Variants in SPOPL observed in about 807,000 individuals in gnomAD.
The protein encoded by SPOPL is speckle type BTB/POZ protein like.
A neutral mutation model predicts 53.8 loss-of-function variants in SPOPL; 23 were observed. The observed-to-expected ratio is 0.43, with a 90% CI of 0.31 to 0.61. The LOEUF (loss-of-function observed/expected upper bound fraction) is 0.61, where lower values mean the gene tolerates loss of function less well. SPOPL is among the 20% of genes least tolerant of loss of function. SPOPL has a pLI of 0.12. For missense variants in SPOPL, 442 were observed against 466.9 expected, an observed-to-expected ratio of 0.95 and a Z score of 0.49; for synonymous variants, 164 against 149.7, an observed-to-expected ratio of 1.10 and a Z score of -0.70.
At chr2:138,525,663 A>AAAAAAAAAC (rs1553468801) in intron 1 of SPOPL, among the ~76,000 whole-genome samples, 17 of 130,488 alleles carry the variant, frequency 1.3e-4, no homozygotes, top group Non-Finnish European at 1.9e-4. Context: ...GTAGAAAAAA[A>AAAAAAAAAC]AAAAAAAAAA....
At position 138,569,380 on chromosome 2, in the gene SPOPL, C is replaced by T; in HGVS notation, c.*300C>T. 3 of 253,322 alleles carry T rather than the reference C, an allele frequency of 1.2e-5. No homozygotes were observed. The highest frequency in any genetic ancestry group is 2.3e-5 in the Non-Finnish European group (3 of 133,096). The allele number at this position is 253,322 out of a possible 1,614,324, so 15.7% of individuals were successfully genotyped here. ...TTTTGACCAAGGCTATGCAGGATTGCACTAGCTCCATAATGCAGTAATATT... is the reference window on the plus strand; with the variant it reads ...TTTTGACCAAGGCTATGCAGGATTGTACTAGCTCCATAATGCAGTAATATT... On this transcript the variant is annotated 3_prime_UTR_variant, in exon 11 of 11. Transcript: ENST00000280098.
In SPOPL at chr2:138,569,358, T is replaced by C. The variant is rs1685731840; in HGVS notation, c.*278T>C. ...TTTTTTTTATTGTGCCTTGTCATTTTGACCAAGGCTATGCAGGATTGCACT... is the reference window on the plus strand; with the variant it reads ...TTTTTTTTATTGTGCCTTGTCATTTCGACCAAGGCTATGCAGGATTGCACT... On this transcript the variant is annotated 3_prime_UTR_variant, in exon 11 of 11. Transcript: ENST00000280098. The C allele has an allele frequency of 3.3e-6, 1 of 305,976 alleles. No homozygotes were observed. The highest frequency in any genetic ancestry group is 2.2e-5 in the African/African-American group (1 of 46,038). The allele number at this position is 305,976 out of a possible 1,614,324, so 19.0% of individuals were successfully genotyped here. A position where few individuals can be genotyped will look rare whatever the true frequency, so the allele number is the denominator to read the frequency against.
At chr2:138,534,283 A>G (rs1322924029) in intron 1 of SPOPL, among the ~76,000 whole-genome samples, 1 of 152,214 alleles carries the variant, frequency 6.6e-6, no homozygotes, top group Non-Finnish European at 1.5e-5. Flanking sequence ...TATGGGAAAA[A>G]AAATTAACAA....
At chr2:138,540,574 A>G (rs1274217807) in intron 1 of SPOPL, among the ~76,000 whole-genome samples, 2 of 152,132 alleles carry the variant, frequency 1.3e-5, no homozygotes, top group African/African-American at 4.8e-5. Flanking sequence ...AATGCTTGTG[A>G]TTTTTGCACA....
At chr2:138,566,234 T>C (rs973681631) in intron 10 of SPOPL, among the ~76,000 whole-genome samples, 4 of 152,086 alleles carry the variant, frequency 2.6e-5, no homozygotes, top group African/African-American at 9.7e-5. Flanking sequence ...TATGCTAATA[T>C]GATATCATTA....
At chr2:138,517,667 G>C (rs1447190587) in intron 1 of SPOPL, among the ~76,000 whole-genome samples, 1 of 151,694 alleles carries the variant, frequency 6.6e-6, no homozygotes, top group African/African-American at 2.4e-5. Context: ...GTGAACCCAG[G>C]AGGTGAGCTT....
At chr2:138,504,755 T>G (rs575286187) in intron 1 of SPOPL, among the ~76,000 whole-genome samples, 3 of 152,312 alleles carry the variant, frequency 2.0e-5, no homozygotes, top group Admixed American at 1.3e-4. Context: ...ACTAAAGCAG[T>G]AGTTACTCCA....
intron 1 of SPOPL, among the ~76,000 whole-genome samples, chr2:138,502,460 A>G (rs6705714): frequency 0.061 from 9,279 of 152,140 alleles, 756 homozygotes; most frequent in East Asian, 0.33. Flanking sequence ...CTATACCTGT[A>G]TACCTCCACA....
chr2:138,550,957 C>G lies in SPOPL; in HGVS notation c.255C>G (p.Ser85=), dbSNP rs532335965. Residue 85 remains serine (S), a synonymous_variant, in exon 4 of 11, where the codon TCC becomes TCG. Transcript: ENST00000280098. The stretch of plus-strand genomic sequence containing the variant: ...ATGATGAAAGTAAAGACTACTTGTC[C>G]TTATATTTGCTTTTAGTCAGCTGCC... ...GLDDESKDYL[S]LYLLLVSCPK... The G allele has an allele frequency of 6.2e-7, 1 of 1,613,236 alleles. No homozygotes were observed. Among genetic ancestry groups the G allele is most frequent in the South Asian group, 1.1e-5 (1 of 91,026 alleles).
rs58483992 is a variant in SPOPL at position 138,529,498 on chromosome 2, C to CTGTGTGTG, written c.-60-20629_-60-20622dup. Among the ~76,000 whole-genome samples the CTGTGTGTG allele has an allele frequency of 4.2e-3, 621 of 147,678 alleles. 5 individuals are homozygous for CTGTGTGTG. The highest frequency in any genetic ancestry group is 0.011 in the East Asian group (57 of 4,972). ...TATGTGTGTGTGTGTATGCATGTGC[C>CTGTGTGTG]TGTGTGTGTGTGTGTGTGTGTGTGT... On this transcript the variant is annotated intron_variant, in intron 1 of 10. Transcript: ENST00000280098.
intron 1 of SPOPL, among the ~76,000 whole-genome samples, chr2:138,530,236 T>C (rs1305867716): frequency 6.6e-6 from 1 of 152,206 alleles, no homozygotes; most frequent in Non-Finnish European, 1.5e-5. Context: ...TTAGGTTGAT[T>C]CTATGTCTTT....
intron 1 of SPOPL, among the ~76,000 whole-genome samples, chr2:138,519,407 T>C (rs1371593583): frequency 2.0e-5 from 3 of 151,266 alleles, no homozygotes; most frequent in Non-Finnish European, 4.4e-5. Context: ...TGGATTCAAT[T>C]TCTGATTTGT....
chr2:138,556,500 A>C (rs559652714), intron 5 of SPOPL, among the ~76,000 whole-genome samples: 1 of 152,316 alleles, frequency 6.6e-6, no homozygotes, highest in East Asian at 1.9e-4. Flanking sequence ...GCAGTGCTTG[A>C]TATGAACAAA....
chr2:138,542,308 T>G (rs974905407), intron 1 of SPOPL, among the ~76,000 whole-genome samples: 10 of 152,174 alleles, frequency 6.6e-5, no homozygotes, highest in African/African-American at 2.4e-4. Flanking sequence ...TTGTGTCTCG[T>G]TGATCTGTCT....
rs577452151 is a variant in SPOPL at position 138,571,811 on chromosome 2, T to G, written c.*2731T>G. Reference sequence around the variant, plus strand: ...ACTATAAGAATAATCATTGGGTAACTGTTGTTTAGACCAACACTTAGAAAT... The same window carrying G: ...ACTATAAGAATAATCATTGGGTAACGGTTGTTTAGACCAACACTTAGAAAT... On this transcript the variant is annotated 3_prime_UTR_variant, in exon 11 of 11. Coordinates refer to ENST00000280098, the MANE Select transcript of SPOPL (RefSeq NM_001001664.3). 1.3e-5 allele frequency: 2 copies of G among 152,768 alleles called. No individual in the cohort carries two copies. Among genetic ancestry groups the G allele is most frequent in the African/African-American group, 4.8e-5 (2 of 41,582 alleles). The allele number at this position is 152,768 out of a possible 1,614,324, so 9.5% of individuals were successfully genotyped here.
intron 1 of SPOPL, among the ~76,000 whole-genome samples, chr2:138,507,845 G>A (rs1225338795): frequency 6.6e-6 from 1 of 152,198 alleles, no homozygotes; most frequent in South Asian, 2.1e-4. Flanking sequence ...GCCCAAGGTA[G>A]TGTTTTATTT....
In SPOPL at chr2:138,569,072, C is replaced by T. The variant is rs779650583; in HGVS notation, c.1171C>T (p.Gln391Ter). The T allele has an allele frequency of 5.3e-5, 86 of 1,612,938 alleles. No homozygotes were observed. The East Asian group carries it at 1.8e-3, about 35-fold the overall frequency. ...TGGCATTCCACGCAAACGGCTAAAA[C>T]AGTCCTGAAATCTTCCATGAACAGT... ...QFGIPRKRLK[Q>*]S Residue 391 changes from glutamine to a stop codon, truncating the protein, a stop_gained, in exon 11 of 11, where the codon CAG becomes TAG. Transcript: ENST00000280098. LOFTEE classifies it high-confidence loss of function.
chr2:138,543,776 G>A (rs372847994), intron 1 of SPOPL, among the ~76,000 whole-genome samples: 1 of 152,158 alleles, frequency 6.6e-6, no homozygotes, highest in Non-Finnish European at 1.5e-5. Flanking sequence ...TGTTGCTAGT[G>A]AGGAGCTGCG....
In SPOPL at chr2:138,519,995, G is replaced by A. The variant is rs376492555; in HGVS notation, c.-61+17876G>A. On this transcript the variant is annotated intron_variant, in intron 1 of 10. Transcript: ENST00000280098. Reference sequence around the variant, plus strand: ...AAAGGGTGGTTAGTGAAAGTTTTACGGAAGAGGTGACATTTAAGATTAAAA... The same window carrying A: ...AAAGGGTGGTTAGTGAAAGTTTTACAGAAGAGGTGACATTTAAGATTAAAA... Among the ~76,000 whole-genome samples the A allele has an allele frequency of 1.1e-3, 165 of 152,192 alleles. 4 individuals are homozygous for A. The South Asian group carries it at 0.033, about 31-fold the overall frequency.
Sources: allele counts gnomAD v4.1 joint callset (sites outside exome capture counted in the v4.1 genomes callset), GRCh38; gene constraint gnomAD v4.1.1; transcripts MANE v1.5; gene names NCBI Gene and HGNC (gene_info 2026-07-23, HGNC 2026-07-21).